CNTNAP3B: variants seen among roughly 807,000 people sequenced by gnomAD.
The protein encoded by CNTNAP3B is contactin-associated protein-like 3B.
A neutral mutation model predicts 108.9 loss-of-function variants in CNTNAP3B; 25 were observed. The ratio of observed to expected loss-of-function variants is 0.23; its 90% CI spans 0.17 to 0.32. CNTNAP3B has a LOEUF of 0.32. Ranked by LOEUF, CNTNAP3B falls within the 10% of genes least tolerant of loss-of-function variation. The probability of loss-of-function intolerance (pLI) is 1.00; values close to 1 mark genes in which losing one functional copy is unlikely to be tolerated. For synonymous variants in CNTNAP3B, 103 were observed against 473.4 expected (o/e 0.22, Z 10.16); for missense variants, 252 against 1,210.4 (o/e 0.21, Z 11.75).
chr9:41,982,063 C>CAA (rs541712479), intron 9 of CNTNAP3B, among the ~76,000 whole-genome samples: 555 of 42,386 alleles, frequency 0.013, 2 homozygotes, highest in East Asian at 0.035. Context: ...TCTAAAGTCT[C>CAA]AAAAAAAAAA....
chr9:42,061,411 G>A (rs1450485165), intron 3 of CNTNAP3B, among the ~76,000 whole-genome samples: 2 of 132,552 alleles, frequency 1.5e-5, no homozygotes, highest in South Asian at 4.8e-4. Context: ...TCTACCTCCT[G>A]GGCTCAAGCA....
intron 12 of CNTNAP3B, among the ~76,000 whole-genome samples, chr9:41,956,189 A>T (rs1356650627): frequency 6.6e-6 from 1 of 152,186 alleles, no homozygotes; most frequent in African/African-American, 2.4e-5. Context: ...GATCGAGACC[A>T]TCCTGGCTAA....
chr9:41,941,398 T>G (rs1325760876), intron 13 of CNTNAP3B, among the ~76,000 whole-genome samples: 27 of 148,804 alleles, frequency 1.8e-4, no homozygotes, highest in Admixed American at 1.6e-3. Context: ...GAAAGCAGAA[T>G]GGCTATCTCA....
chr9:42,080,353 A>C (rs1827588089), intron 2 of CNTNAP3B, among the ~76,000 whole-genome samples: 1 of 139,374 alleles, frequency 7.2e-6, no homozygotes, highest in South Asian at 2.3e-4. Flanking sequence ...AAATTCTGGC[A>C]TTACCAAAGA....
Position 41,959,352 on chromosome 9 carries a change from G to A in CNTNAP3B, c.1876+1421C>T, listed in dbSNP as rs1463597291. Among the ~76,000 whole-genome samples, 6 of 152,340 alleles carry A rather than the reference G, an allele frequency of 3.9e-5. No individual in the cohort carries two copies. In the East Asian group the frequency reaches 9.6e-4, roughly 24 times the overall value. Reference sequence around the variant, plus strand: ...TAGAGAATTTATTACTGGCTATAGAGCAATGCGGCATCTAAAGAGAAGGTG... The same window carrying A: ...TAGAGAATTTATTACTGGCTATAGAACAATGCGGCATCTAAAGAGAAGGTG... On this transcript the variant is annotated intron_variant, in intron 12 of 23. Transcript: ENST00000377561.
At chr9:41,928,702 G>C (rs1449754576) in intron 15 of CNTNAP3B, among the ~76,000 whole-genome samples, 2 of 151,448 alleles carry the variant, frequency 1.3e-5, no homozygotes, top group East Asian at 3.9e-4. Context: ...GATGCTAGTG[G>C]GTAAGAAACA....
intron 14 of CNTNAP3B, among the ~76,000 whole-genome samples, chr9:41,937,629 G>C (rs2118056110): frequency 6.6e-6 from 1 of 152,364 alleles, no homozygotes; most frequent in South Asian, 2.1e-4. Flanking sequence ...AATTGTTTCT[G>C]CTCAAAAGAA....
rs577269533 is a variant in CNTNAP3B at position 42,111,252 on chromosome 9, G to A, written c.86-6513C>T. 1.1e-4 allele frequency among the ~76,000 whole-genome samples: 16 copies of A among 139,392 alleles called. 2 individuals are homozygous for A. The South Asian group carries it at 2.5e-3, about 22-fold the overall frequency. The allele number at this position is 139,392 out of a possible 152,430, so 91.4% of individuals were successfully genotyped here. A position where few individuals can be genotyped will look rare whatever the true frequency, so the allele number is the denominator to read the frequency against. ...TGGGACTTTCGGCTTGAACTCTTGG[G>A]AGAAATACCCATTCATTCATTCAAC... On this transcript the variant is annotated intron_variant, in intron 1 of 23. Transcript: ENST00000377561.
At chr9:42,073,888 G>A (rs1477451837) in intron 3 of CNTNAP3B, among the ~76,000 whole-genome samples, 1 of 144,056 alleles carries the variant, frequency 6.9e-6, no homozygotes, top group Non-Finnish European at 1.5e-5. Context: ...GGGGCGTGGG[G>A]GGCTGGGGAG....
rs1210204427 is a variant in CNTNAP3B, at chr9:42,012,013, C to T, written c.538+1365G>A. On this transcript the variant is annotated intron_variant, in intron 4 of 23. Coordinates refer to ENST00000377561, the MANE Select transcript of CNTNAP3B (RefSeq NM_001201380.3). ...CCAGCAGATTGCATGGCAGCTGCAC[C>T]GCCCACCGGCCCTTCCTGGAATCAG... Among the ~76,000 whole-genome samples the T allele has an allele frequency of 1.6e-4, 16 of 97,790 alleles. 4 individuals carry two copies. The highest frequency in any genetic ancestry group is 3.0e-4 in the South Asian group (1 of 3,300). 64.2% of individuals were successfully genotyped at this position (97,790 alleles called of 152,430 possible).
intron 13 of CNTNAP3B, among the ~76,000 whole-genome samples, chr9:41,952,484 A>T (rs1824718472): frequency 2.6e-5 from 4 of 152,262 alleles, no homozygotes; most frequent in Admixed American, 1.3e-4. Flanking sequence ...AACTATATGG[A>T]AACTGTTGGA....
intron 13 of CNTNAP3B, among the ~76,000 whole-genome samples, chr9:41,944,415 A>T (rs1282128570): frequency 6.6e-6 from 1 of 151,790 alleles, no homozygotes; most frequent in Non-Finnish European, 1.5e-5. Flanking sequence ...AGACAGAAGG[A>T]TTGGAAATGC....
At chr9:42,106,996 C>G (rs1225255927) in intron 1 of CNTNAP3B, among the ~76,000 whole-genome samples, 1 of 92,010 alleles carries the variant, frequency 1.1e-5, no homozygotes, top group African/African-American at 4.2e-5. Context: ...CATGATGCCT[C>G]TGTCCTGCAG....
rs1189822205 is a variant in CNTNAP3B, at chr9:41,926,219, A to AC, written c.2366-2127dup. Among the ~76,000 whole-genome samples the AC allele has an allele frequency of 1.1e-4, 16 of 152,362 alleles. No homozygotes were observed. The East Asian group carries it at 2.9e-3, about 28-fold the overall frequency. On this transcript the variant is annotated intron_variant, in intron 15 of 23. Coordinates refer to ENST00000377561, the MANE Select transcript of CNTNAP3B (RefSeq NM_001201380.3). Reference sequence around the variant, plus strand: ...CAGTGAGGTCACTCCTATGCTCCTCACTTTTTTTACATATTTGCTCATTCC... The same window carrying AC: ...CAGTGAGGTCACTCCTATGCTCCTCACCTTTTTTTACATATTTGCTCATTCC...
chr9:41,928,327 G>T (rs1463523214), intron 15 of CNTNAP3B, among the ~76,000 whole-genome samples: 1 of 152,150 alleles, frequency 6.6e-6, no homozygotes, highest in East Asian at 1.9e-4. Flanking sequence ...CAATCCATTG[G>T]CCCAGGTGGA....
chr9:42,115,781 G>T (rs1335000879), intron 1 of CNTNAP3B, among the ~76,000 whole-genome samples: 1 of 120,526 alleles, frequency 8.3e-6, no homozygotes, highest in African/African-American at 3.5e-5. Context: ...CAGAAAAGCT[G>T]AAAATTCTAA....
intron 1 of CNTNAP3B, among the ~76,000 whole-genome samples, chr9:42,110,292 C>G (rs1473109450): frequency 7.3e-6 from 1 of 136,936 alleles, no homozygotes; most frequent in African/African-American, 2.9e-5. Context: ...AGCCACTCTG[C>G]CAGGCTGTGG....
chr9:41,924,447 G>A (rs1424180744), intron 15 of CNTNAP3B, among the ~76,000 whole-genome samples: 169 of 152,204 alleles, frequency 1.1e-3, no homozygotes, highest in Non-Finnish European at 1.8e-3. Flanking sequence ...GTGAGAAGAA[G>A]GGTGGAGTCT....
chr9:41,916,742 AT>A (rs1253818873), intron 18 of CNTNAP3B, among the ~76,000 whole-genome samples: 2 of 144,758 alleles, frequency 1.4e-5, no homozygotes, highest in African/African-American at 2.6e-5. Context: ...TCTTCTAGTT[AT>A]TTTGAAATAT....
Sources: allele counts gnomAD v4.1 joint callset (sites outside exome capture counted in the v4.1 genomes callset), GRCh38; gene constraint gnomAD v4.1.1; transcripts MANE v1.5; gene names NCBI Gene and HGNC (gene_info 2026-07-23, HGNC 2026-07-21).